The following KCNIP4 variants were observed in gnomAD, a reference collection of about 807,000 sequenced individuals.
KCNIP4 encodes the protein Kv channel-interacting protein 4.
In KCNIP4, 12 loss-of-function variants were observed where a neutral mutation model predicts 34.0. That is an observed-to-expected ratio of 0.35 (90% CI 0.23 to 0.57). The LOEUF is 0.57. KCNIP4 is among the 20% of genes least tolerant of loss of function. The pLI is 0.83. For synonymous variants in KCNIP4, 124 were observed against 102.2 expected (o/e 1.21, Z -1.29); for missense variants, 238 against 311.7 (o/e 0.76, Z 1.78).
chr4:21,243,267 A>G (rs1288782457), intron 1 of KCNIP4, among the ~76,000 whole-genome samples: 1 of 152,148 alleles, frequency 6.6e-6, no homozygotes, highest in Non-Finnish European at 1.5e-5. Flanking sequence ...AAGGTACAAT[A>G]AAGACTTCAA....
At chr4:21,903,757 C>T (rs1727835751) in intron 1 of KCNIP4, among the ~76,000 whole-genome samples, 1 of 151,960 alleles carries the variant, frequency 6.6e-6, no homozygotes, top group African/African-American at 2.4e-5. Context: ...AATGGAAGAA[C>T]CATTAGGAAG....
chr4:21,485,989 AT>A (rs1283301045), intron 1 of KCNIP4, among the ~76,000 whole-genome samples: 1 of 152,002 alleles, frequency 6.6e-6, no homozygotes, highest in East Asian at 1.9e-4. Flanking sequence ...TGACATGATT[AT>A]TTTTCTTTTG....
intron 1 of KCNIP4, among the ~76,000 whole-genome samples, chr4:21,354,399 G>A (rs1411728554): frequency 6.6e-6 from 1 of 152,088 alleles, no homozygotes; most frequent in Non-Finnish European, 1.5e-5. Flanking sequence ...GTATTCAGGA[G>A]ACCCATCTCA....
At chr4:20,970,558 C>T (rs1038651663) in intron 1 of KCNIP4, among the ~76,000 whole-genome samples, 4 of 152,088 alleles carry the variant, frequency 2.6e-5, no homozygotes, top group Non-Finnish European at 4.4e-5. Context: ...GGCAGTGCCT[C>T]GAAACACTTT....
At chr4:21,477,531 G>A (rs775230663) in intron 1 of KCNIP4, among the ~76,000 whole-genome samples, 65 of 152,252 alleles carry the variant, frequency 4.3e-4, no homozygotes, top group Non-Finnish European at 8.1e-4. Flanking sequence ...ACAGCTTACT[G>A]ATAAGCGTAT....
At chr4:21,307,199 G>A (rs567071824) in intron 1 of KCNIP4, among the ~76,000 whole-genome samples, 4 of 152,200 alleles carry the variant, frequency 2.6e-5, no homozygotes, top group South Asian at 4.1e-4. Context: ...TCAAAATTAC[G>A]GGTTCCTTTG....
In KCNIP4 at chr4:21,462,766, T is replaced by TGTGTGC. The variant is rs1491334487; in HGVS notation, c.61+485804_61+485805insGCACAC. 4.6e-4 allele frequency among the ~76,000 whole-genome samples: 11 copies of TGTGTGC among 23,906 alleles called. No individual in the cohort carries two copies. The African/African-American group carries it at 9.1e-3, about 20-fold the overall frequency. 15.7% of individuals were successfully genotyped at this position (23,906 alleles called of 152,430 possible). ...TCTTTATGGCTAAATAGTATTCCAT[T>TGTGTGC]GTGTGTGTGTGTGTGTGTGTGTGTG... is the stretch of plus-strand genomic sequence containing the variant. On this transcript the variant is annotated intron_variant, in intron 1 of 8. Transcript: ENST00000382152.
chr4:21,231,361 C>T (rs1260291545), intron 1 of KCNIP4, among the ~76,000 whole-genome samples: 1 of 152,084 alleles, frequency 6.6e-6, no homozygotes, highest in Non-Finnish European at 1.5e-5. Context: ...TATGTATGTT[C>T]CTCGCACAAA....
intron 3 of KCNIP4, among the ~76,000 whole-genome samples, chr4:20,789,860 C>T (rs969029862): frequency 5.3e-5 from 8 of 151,534 alleles, no homozygotes; most frequent in African/African-American, 1.7e-4. Context: ...GTATTTAGTT[C>T]CTATATATGG....
chr4:21,557,790 C>A (rs1322239254), intron 1 of KCNIP4, among the ~76,000 whole-genome samples: 1 of 152,144 alleles, frequency 6.6e-6, no homozygotes, highest in African/African-American at 2.4e-5. Flanking sequence ...AATTGATACA[C>A]ATAGGCCACT....
intron 1 of KCNIP4, among the ~76,000 whole-genome samples, chr4:21,003,030 T>C (rs1738271924): frequency 6.6e-6 from 1 of 152,210 alleles, no homozygotes; most frequent in South Asian, 2.1e-4. Context: ...GCTAGCATCA[T>C]AATGACAATC....
At chr4:20,822,130 C>T (rs1717183142) in intron 3 of KCNIP4, among the ~76,000 whole-genome samples, 1 of 152,030 alleles carries the variant, frequency 6.6e-6, no homozygotes, top group South Asian at 2.1e-4. Flanking sequence ...AAACAGAAAA[C>T]CCACAGAGTG....
At chr4:21,470,835 A>AG (rs1730407596) in intron 1 of KCNIP4, among the ~76,000 whole-genome samples, 2 of 150,860 alleles carry the variant, frequency 1.3e-5, no homozygotes, top group South Asian at 2.1e-4. Context: ...AAAAAAAAAA[A>AG]GTCCTCTTTG....
At chr4:21,505,387 C>T (rs910813055) in intron 1 of KCNIP4, among the ~76,000 whole-genome samples, 9 of 152,106 alleles carry the variant, frequency 5.9e-5, no homozygotes, top group Admixed American at 5.2e-4. Context: ...AACTTTGTGA[C>T]AGTCCCATTA....
At chr4:21,608,066 C>A (rs1743854822) in intron 1 of KCNIP4, among the ~76,000 whole-genome samples, 1 of 151,762 alleles carries the variant, frequency 6.6e-6, no homozygotes, top group Non-Finnish European at 1.5e-5. Context: ...TGGTGCTTTT[C>A]TCTTAAAGGC....
intron 1 of KCNIP4, among the ~76,000 whole-genome samples, chr4:20,959,091 G>A (rs1039275460): frequency 5.3e-5 from 8 of 152,162 alleles, no homozygotes; most frequent in Non-Finnish European, 1.2e-4. Flanking sequence ...GGTTTAGTCG[G>A]TAACACTGAA....
At chr4:20,785,151 G>A (rs941419478) in intron 3 of KCNIP4, among the ~76,000 whole-genome samples, 3 of 152,082 alleles carry the variant, frequency 2.0e-5, no homozygotes, top group African/African-American at 7.2e-5. Flanking sequence ...ATCAAGAGAA[G>A]ATTAGGATGG....
chr4:20,991,077 A>G (rs965586761), intron 1 of KCNIP4, among the ~76,000 whole-genome samples: 1 of 152,220 alleles, frequency 6.6e-6, no homozygotes, highest in Non-Finnish European at 1.5e-5. Flanking sequence ...TAACTTGCCC[A>G]AAACTACAGT....
intron 1 of KCNIP4, among the ~76,000 whole-genome samples, chr4:21,896,913 CA>C (rs561412796): frequency 1.4e-5 from 2 of 146,208 alleles, no homozygotes; most frequent in South Asian, 2.2e-4. Context: ...AGTAAACTCT[CA>C]AAAAAATACA....
Sources: allele counts gnomAD v4.1 joint callset (sites outside exome capture counted in the v4.1 genomes callset), GRCh38; gene constraint gnomAD v4.1.1; transcripts MANE v1.5; gene names NCBI Gene and HGNC (gene_info 2026-07-23, HGNC 2026-07-21).